The following CCN2 variants were observed in gnomAD, a reference collection of about 807,000 sequenced individuals.
CCN2 encodes the protein cellular communication network factor 2, also known as CCN family member 2.
In CCN2, 22 loss-of-function variants were observed where a neutral mutation model predicts 33.2. That is an observed-to-expected ratio of 0.66 (90% confidence interval 0.47 to 0.95). The LOEUF (loss-of-function observed/expected upper bound fraction) is 0.95, where lower values mean the gene tolerates loss of function less well. Ranked by LOEUF, CCN2 falls within the 40% of genes least tolerant of loss-of-function variation. The pLI is 0.00. For synonymous variants in CCN2, 178 were observed against 200.6 expected (o/e 0.89, Z 0.95); for missense variants, 469 against 498.8 (o/e 0.94, Z 0.57).
rs111779788 is a variant in CCN2, at chr6:131,950,887, G to A, written c.172C>T (p.Arg58Cys). The change falls in exon 2 of 5, where the codon CGC (arginine) becomes TGC (cysteine). Residue 58 changes from arginine (R) to cysteine (C), a missense_variant. Physicochemically the swap from Arg to Cys is radical, Grantham distance 180. Transcript: ENST00000367976. This position sits in a 1 kb window ranked among gnomAD's most constrained non-coding sequence, Gnocchi z 7.1. ...SLVLDGCGCC[R>C]VCAKQLGELC... ...TCGCCCAGCTGCTTGGCGCAGACGC[G>A]GCAGCAGCCGCAGCCGTCCAGCACG... 4 of 1,529,716 alleles carry A rather than the reference G, an allele frequency of 2.6e-6. No individual in the cohort carries two copies. Among genetic ancestry groups the A allele is most frequent in the Non-Finnish European group, 2.6e-6 (3 of 1,144,998 alleles). The allele number at this position is 1,529,716 out of a possible 1,614,324, so 94.8% of individuals were successfully genotyped here.
chr6:131,951,187 G>A lies in CCN2; in HGVS notation c.-15C>T, dbSNP rs540003199. 9 of 1,308,864 alleles carry A rather than the reference G, an allele frequency of 6.9e-6. No individual in the cohort carries two copies. The highest frequency in any genetic ancestry group is 3.2e-5 in the East Asian group (1 of 31,398). 81.1% of individuals were successfully genotyped at this position (1,308,864 alleles called of 1,614,324 possible). On this transcript the variant is annotated 5_prime_UTR_variant, in exon 1 of 5. Coordinates refer to ENST00000367976, the MANE Select transcript of CCN2 (RefSeq NM_001901.4). ...GCGGCGGTCATGGTTGGCACTGCGG[G>A]CGGAGCGGAGGGCGCGGTGGCGGCG...
chr6:131,950,365 C>G lies in CCN2; in HGVS notation c.468G>C (p.Leu156=), dbSNP rs753101758. 6.2e-7 allele frequency: 1 copy of G among 1,614,142 alleles called. No individual in the cohort carries two copies. The highest frequency in any genetic ancestry group is 1.1e-5 in the South Asian group (1 of 91,084). The part of the protein sequence containing the change: ...PDCPFPRRVK[L]PGKCCEEWVC... ...CCCACTCCTCGCAGCATTTCCCGGG[C>G]AGCTTGACCCTCCTCGGGAAGGGGC... Residue 156 remains leucine (L), a synonymous_variant, in exon 3 of 5, where the codon CTG becomes CTC. Coordinates refer to ENST00000367976, the MANE Select transcript of CCN2 (RefSeq NM_001901.4). This position sits in a 1 kb window ranked among gnomAD's most constrained non-coding sequence, Gnocchi z 7.1.
Position 131,950,103 on chromosome 6 carries a change from A to G in CCN2, c.599T>C (p.Leu200Pro), listed in dbSNP as rs768886233. 19 of 1,614,134 alleles carry G rather than the reference A, an allele frequency of 1.2e-5. No individual in the cohort carries two copies. The highest frequency in any genetic ancestry group is 1.5e-5 in the Non-Finnish European group (18 of 1,180,060). ...GGCGCTCCACTCTGTGGTCTGGACC[A>G]GGCAGTTGGCTCTAATCATAGTTGG... ...PDPTMIRANC[L>P]VQTTEWSACS... The change falls in exon 4 of 5, where the codon CTG (leucine) becomes CCG (proline). Residue 200 changes from leucine (L) to proline (P), a missense_variant. By Grantham distance (98) the Leu-to-Pro change is moderately conservative (BLOSUM62 -3). Transcript: ENST00000367976. The surrounding 1 kb of genome is among the most constrained non-coding windows in gnomAD (Gnocchi z 7.1).
Position 131,950,574 on chromosome 6 carries a change from G to A in CCN2, c.290-31C>T, listed in dbSNP as rs199557030. 12 of 1,604,828 alleles carry A rather than the reference G, an allele frequency of 7.5e-6. No individual in the cohort carries two copies. The highest frequency in any genetic ancestry group is 1.0e-5 in the Non-Finnish European group (12 of 1,174,602). ...GAAGAGGAAGGGAAGAGAGGGGTGGGGGATGCAGAGGTCAGGCATTGGGGC... is the reference window on the plus strand; with the variant it reads ...GAAGAGGAAGGGAAGAGAGGGGTGGAGGATGCAGAGGTCAGGCATTGGGGC... On this transcript the variant is annotated intron_variant, in intron 2 of 4. Transcript: ENST00000367976. This position sits in a 1 kb window ranked among gnomAD's most constrained non-coding sequence, Gnocchi z 7.1.
rs576535778 is a variant in CCN2 at position 131,950,651 on chromosome 6, G to T, written c.290-108C>A. On this transcript the variant is annotated intron_variant, in intron 2 of 4. Coordinates refer to ENST00000367976, the MANE Select transcript of CCN2 (RefSeq NM_001901.4). This position sits in a 1 kb window ranked among gnomAD's most constrained non-coding sequence, Gnocchi z 7.1. The stretch of plus-strand genomic sequence containing the variant: ...GCGAGTTGGGATCTGGGCTGCAGGG[G>T]GCGGGCTGGCAGCAGCTGGAGAAAG... 4.6e-6 allele frequency: 7 copies of T among 1,523,090 alleles called. No homozygotes were observed. In the African/African-American group the frequency reaches 6.8e-5, roughly 15 times the overall value. 94.3% of individuals were successfully genotyped at this position (1,523,090 alleles called of 1,614,324 possible). A position where few individuals can be genotyped will look rare whatever the true frequency, so the allele number is the denominator to read the frequency against.
intron 4 of CCN2, 48 bp downstream of exon 4, chr6:131,949,901 T>C (rs768638903): frequency 4.4e-6 from 7 of 1,581,212 alleles, no homozygotes; most frequent in Non-Finnish European, 6.1e-6. Flanking sequence ...TTGGGTCCTA[T>C]CCACTGTTTT....
In CCN2 at chr6:131,949,513, C is replaced by T. The variant is rs929704507; in HGVS notation, c.801G>A (p.Lys267=). Residue 267 remains lysine, a synonymous_variant, in exon 5 of 5, where the codon AAG becomes AAA. Transcript: ENST00000367976. ...IRTPKISKPI[K]FELSGCTSMK... ...TGCTGGTGCAGCCAGAAAGCTCAAA[C>T]TTGATAGGCTTGGAGATTTTGGGAG... 1 of 1,547,852 alleles carries T rather than the reference C, an allele frequency of 6.5e-7. No individual in the cohort carries two copies. Among genetic ancestry groups the T allele is most frequent in the South Asian group, 1.1e-5 (1 of 90,208 alleles).
chr6:131,950,600 A>G lies in CCN2; in HGVS notation c.290-57T>C, dbSNP rs73779160. 0.032 allele frequency: 51,212 copies of G among 1,587,530 alleles called. 1,796 individuals are homozygous for G. The highest frequency in any genetic ancestry group is 0.17 in the African/African-American group (13,006 of 74,644). ...GGATGCAGAGGTCAGGCATTGGGGC[A>G]CTCTCACATCCAGAGCGTCAGGGAT... On this transcript the variant is annotated intron_variant, in intron 2 of 4. Transcript: ENST00000367976. The surrounding 1 kb of genome is among the most constrained non-coding windows in gnomAD (Gnocchi z 7.1).
rs768461734 is a variant in CCN2 at position 131,950,770 on chromosome 6, C to CGGT, written c.286_288dup (p.Thr96dup). 6.5e-7 allele frequency: 1 copy of CGGT among 1,541,060 alleles called. No homozygotes were observed. On this transcript the variant is annotated inframe_insertion and splice_region_variant, in exon 2 of 5. Transcript: ENST00000367976. This position sits in a 1 kb window ranked among gnomAD's most constrained non-coding sequence, Gnocchi z 7.1. Reference sequence around the variant, plus strand: ...TAGCGGTGGGGGCTGCGGGTCTTACCGGTGCACACGCCGATCTTGCGGTTG... The same window carrying CGGT: ...TAGCGGTGGGGGCTGCGGGTCTTACCGGTGGTGCACACGCCGATCTTGCGGTTG...
Position 131,950,067 on chromosome 6 carries a change from G to A in CCN2, c.635C>T (p.Thr212Ile). 6.2e-7 allele frequency: 1 copy of A among 1,614,226 alleles called. No individual in the cohort carries two copies. Among genetic ancestry groups the A allele is most frequent in the Non-Finnish European group, 8.5e-7 (1 of 1,180,038 alleles). ...CCGGGTGGAGATGCCCATCCCACAG[G>A]TCTTGGAACAGGCGCTCCACTCTGT... is the stretch of plus-strand genomic sequence containing the variant. The part of the protein sequence containing the change: ...QTTEWSACSK[T>I]CGMGISTRVT... Residue 212 changes from threonine (T) to isoleucine (I), a missense_variant, in exon 4 of 5, where the codon ACC (threonine) becomes ATC (isoleucine). Thr to Ile is a moderately conservative substitution (Grantham distance 89). Transcript: ENST00000367976. The surrounding 1 kb of genome is among the most constrained non-coding windows in gnomAD (Gnocchi z 7.1).
Position 131,949,112 on chromosome 6 carries a change from G to A in CCN2, c.*152C>T. On this transcript the variant is annotated 3_prime_UTR_variant, in exon 5 of 5. Transcript: ENST00000367976. ...GTTGATAGACTATTTGTTTGACATGGCACAATGTTTTGAATTGGGTGGGAA... is the reference window on the plus strand; with the variant it reads ...GTTGATAGACTATTTGTTTGACATGACACAATGTTTTGAATTGGGTGGGAA... 1 of 693,484 alleles carries A rather than the reference G, an allele frequency of 1.4e-6. No homozygotes were observed. The highest frequency in any genetic ancestry group is 1.8e-5 in the South Asian group (1 of 55,530). 43.0% of individuals were successfully genotyped at this position (693,484 alleles called of 1,614,324 possible). A position where few individuals can be genotyped will look rare whatever the true frequency, so the allele number is the denominator to read the frequency against.
In CCN2 at chr6:131,950,805, C is replaced by T. The variant is rs749248801; in HGVS notation, c.254G>A (p.Gly85Asp). The T allele has an allele frequency of 6.5e-7, 1 of 1,545,238 alleles. No individual in the cohort carries two copies. Among genetic ancestry groups the T allele is most frequent in the Non-Finnish European group, 8.7e-7 (1 of 1,152,610 alleles). The change falls in exon 2 of 5, where the codon GGC becomes GAC. Residue 85 changes from glycine (G) to aspartate (D), a missense_variant. Coordinates refer to ENST00000367976, the MANE Select transcript of CCN2 (RefSeq NM_001901.4). This position sits in a 1 kb window ranked among gnomAD's most constrained non-coding sequence, Gnocchi z 7.1. ...GCCGATCTTGCGGTTGGCCGGGGAG[C>T]CGAAGTGACAGAATAGGCCCTTGTG... ...DPHKGLFCHF[G>D]SPANRKIGVC...
rs780414926 is a variant in CCN2 at position 131,949,969 on chromosome 6, C to T, written c.733G>A (p.Asp245Asn). The stretch of plus-strand genomic sequence containing the variant: ...TGTACCTTAATGTTCTCTTCCAGGT[C>T]AGCTTCGCAAGGCCTGACCATGCAC... ...RLCMVRPCEA[D>N]LEENIKKGKK... The change falls in exon 4 of 5, where the codon GAC (aspartate) becomes AAC (asparagine). Residue 245 changes from aspartate (D) to asparagine (N), a missense_variant. By Grantham distance (23) the Asp-to-Asn change is conservative. Coordinates refer to ENST00000367976, the MANE Select transcript of CCN2 (RefSeq NM_001901.4). The T allele has an allele frequency of 6.2e-7, 1 of 1,614,076 alleles. No individual in the cohort carries two copies. The highest frequency in any genetic ancestry group is 1.3e-5 in the African/African-American group (1 of 74,944).
Position 131,950,221 on chromosome 6 carries a change from C to A in CCN2, c.542-61G>T, listed in dbSNP as rs1783083973. On this transcript the variant is annotated intron_variant, in intron 3 of 4. Coordinates refer to ENST00000367976, the MANE Select transcript of CCN2 (RefSeq NM_001901.4). This position sits in a 1 kb window ranked among gnomAD's most constrained non-coding sequence, Gnocchi z 7.1. ...GCCTGGATAAGGTATTTCCCCCGTT[C>A]GGTCGGCACAGTTAGGACTCCCTCC... 6.2e-7 allele frequency: 1 copy of A among 1,610,826 alleles called. No homozygotes were observed. Among genetic ancestry groups the A allele is most frequent in the Non-Finnish European group, 8.5e-7 (1 of 1,177,712 alleles).
Position 131,949,296 on chromosome 6 carries a change from A to G in CCN2, c.1018T>C (p.Tyr340His). 12 of 1,614,194 alleles carry G rather than the reference A, an allele frequency of 7.4e-6. No individual in the cohort carries two copies. Among genetic ancestry groups the G allele is most frequent in the Non-Finnish European group, 1.0e-5 (12 of 1,180,036 alleles). ...PGDNDIFESLYYRKMYGDMA is the reference protein window; with the variant it reads ...PGDNDIFESLHYRKMYGDMA ...ATGTCTCCGTACATCTTCCTGTAGT[A>G]CAGCGATTCAAAGATGTCATTGTCT... is the stretch of plus-strand genomic sequence containing the variant. The change falls in exon 5 of 5, where the codon TAC (tyrosine) becomes CAC (histidine). Residue 340 changes from tyrosine (Y) to histidine (H), a missense_variant. Physicochemically the swap from Tyr to His is moderately conservative, Grantham distance 83. Transcript: ENST00000367976.
chr6:131,950,798 C>A lies in CCN2; in HGVS notation c.261G>T (p.Pro87=), dbSNP rs1783095270. 4 of 1,545,886 alleles carry A rather than the reference C, an allele frequency of 2.6e-6. No individual in the cohort carries two copies. In the South Asian group the frequency reaches 4.7e-5, roughly 18 times the overall value. The change falls in exon 2 of 5, where the codon CCG becomes CCT. Residue 87 remains proline, a synonymous_variant. Transcript: ENST00000367976. The surrounding 1 kb of genome is among the most constrained non-coding windows in gnomAD (Gnocchi z 7.1). The part of the protein sequence containing the change: ...HKGLFCHFGS[P]ANRKIGVCTA... ...TGCACACGCCGATCTTGCGGTTGGC[C>A]GGGGAGCCGAAGTGACAGAATAGGC... is the stretch of plus-strand genomic sequence containing the variant.
rs1783081908 is a variant in CCN2 at position 131,950,114 on chromosome 6, T to G, written c.588A>C (p.Arg196Ser). The G allele has an allele frequency of 1.9e-6, 3 of 1,614,236 alleles. No individual in the cohort carries two copies. Among genetic ancestry groups the G allele is most frequent in the Middle Eastern group, 3.3e-4 (2 of 6,062 alleles). Residue 196 changes from arginine to serine, a missense_variant, in exon 4 of 5, where the codon AGA (arginine) becomes AGC (serine). Transcript: ENST00000367976. The surrounding 1 kb of genome is among the most constrained non-coding windows in gnomAD (Gnocchi z 7.1). ...DTFGPDPTMI[R>S]ANCLVQTTEW... ...CTGTGGTCTGGACCAGGCAGTTGGC[T>G]CTAATCATAGTTGGGTCTGGGCCAA...
rs1323246080 is a variant in CCN2 at position 131,948,667 on chromosome 6, T to C, written c.*597A>G. The C allele has an allele frequency of 2.5e-5, 4 of 157,800 alleles. No individual in the cohort carries two copies. Among genetic ancestry groups the C allele is most frequent in the Non-Finnish European group, 4.2e-5 (3 of 70,826 alleles). 9.8% of individuals were successfully genotyped at this position (157,800 alleles called of 1,614,324 possible). A position where few individuals can be genotyped will look rare whatever the true frequency, so the allele number is the denominator to read the frequency against. ...TACACACACACACACACACACAATA[T>C]TTACAATATAAATTTTAAAAAATCT... On this transcript the variant is annotated 3_prime_UTR_variant, in exon 5 of 5. Coordinates refer to ENST00000367976, the MANE Select transcript of CCN2 (RefSeq NM_001901.4).
At position 131,949,186 on chromosome 6, in the gene CCN2, A is replaced by T. The variant is rs900908966; in HGVS notation, c.*78T>A. The T allele has an allele frequency of 9.3e-6, 12 of 1,289,546 alleles. No individual in the cohort carries two copies. Among genetic ancestry groups the T allele is most frequent in the Non-Finnish European group, 1.3e-5 (12 of 901,656 alleles). The allele number at this position is 1,289,546 out of a possible 1,614,324, so 79.9% of individuals were successfully genotyped here. A position where few individuals can be genotyped will look rare whatever the true frequency, so the allele number is the denominator to read the frequency against. ...AGATTTAAATAACTTGTGCTACTGA[A>T]ATCATTTTTACGGAAAAATGAGATG... On this transcript the variant is annotated 3_prime_UTR_variant, in exon 5 of 5. Coordinates refer to ENST00000367976, the MANE Select transcript of CCN2 (RefSeq NM_001901.4).
Sources: allele counts gnomAD v4.1 joint callset, GRCh38; gene constraint gnomAD v4.1.1; non-coding constraint Gnocchi (gnomAD v3.1); transcripts MANE v1.5; gene names NCBI Gene and HGNC (gene_info 2026-07-23, HGNC 2026-07-21).